PLCB4: variants seen among roughly 807,000 people sequenced by gnomAD.
PLCB4 encodes phospholipase C beta 4, also known as 1-phosphatidylinositol 4,5-bisphosphate phosphodiesterase beta-4.
Under a neutral mutation model 178.8 loss-of-function variants are expected in PLCB4, and 77 were observed. The observed-to-expected ratio is 0.43, with a 90% CI of 0.36 to 0.52. The LOEUF is 0.52. Among genes scored for constraint, PLCB4 ranks in the 20% least tolerant of loss-of-function variants. The pLI is 0.00. For synonymous variants in PLCB4, 496 were observed against 490.8 expected (o/e 1.01, Z -0.14); for missense variants, 1,024 against 1,453.4 (o/e 0.70, Z 4.80).
At chr20:9,404,155 G>T (rs2039256328) in intron 20 of PLCB4, among the ~76,000 whole-genome samples, 1 of 152,128 alleles carries the variant, frequency 6.6e-6, no homozygotes, top group Non-Finnish European at 1.5e-5. Flanking sequence ...GATTAGTTTT[G>T]CAGGAAAGAG....
chr20:9,333,433 G>T (rs1461460279), intron 4 of PLCB4, among the ~76,000 whole-genome samples: 1 of 152,152 alleles, frequency 6.6e-6, no homozygotes, highest in Admixed American at 6.5e-5. Flanking sequence ...AAGTGCAAAG[G>T]CCCTGATGCT....
chr20:9,218,756 T>A (rs993044104), intron 3 of PLCB4, among the ~76,000 whole-genome samples: 1 of 152,230 alleles, frequency 6.6e-6, no homozygotes, highest in African/African-American at 2.4e-5. Flanking sequence ...AAAGTAGATT[T>A]ATTATTGAAT....
chr20:9,457,349 C>G, intron 33 of PLCB4, 65 bp from the exon 34 acceptor site: 1 of 811,388 alleles, frequency 1.2e-6, no homozygotes, highest in Non-Finnish European at 2.2e-6. Context: ...AGCTTTGTAG[C>G]AAAGACCCAT....
intron 2 of PLCB4, among the ~76,000 whole-genome samples, chr20:9,140,439 A>T (rs375946612): frequency 1.3e-5 from 2 of 152,146 alleles, no homozygotes; most frequent in South Asian, 2.1e-4. Flanking sequence ...TTAGGTACTG[A>T]TAAGTGCTTG....
At chr20:9,233,967 A>G (rs542777415) in intron 3 of PLCB4, among the ~76,000 whole-genome samples, 1 of 152,312 alleles carries the variant, frequency 6.6e-6, no homozygotes, top group South Asian at 2.1e-4. Flanking sequence ...AACTGGAAGC[A>G]GAAAAGCCAG....
At chr20:9,344,309 TC>T (rs1446258359) in intron 7 of PLCB4, among the ~76,000 whole-genome samples, 3 of 152,150 alleles carry the variant, frequency 2.0e-5, no homozygotes, top group African/African-American at 7.2e-5. Context: ...TAGCAGGAGC[TC>T]CCCATTTCAC....
In PLCB4 at chr20:9,081,440, G is replaced by C. The variant is rs180761019; in HGVS notation, c.-135+12234G>C. On this transcript the variant is annotated intron_variant, in intron 1 of 39. Coordinates refer to ENST00000378473, the MANE Select transcript of PLCB4 (RefSeq NM_001377142.1). ...CCAAGAACATAAAGCCTGCTGCACT[G>C]TGGACACTGTGGCTTTGCACTATGA... 2.7e-4 allele frequency among the ~76,000 whole-genome samples: 41 copies of C among 152,322 alleles called. No homozygotes were observed. In the East Asian group the frequency reaches 7.5e-3, roughly 28 times the overall value.
chr20:9,213,056 G>A (rs1321281235), intron 2 of PLCB4, among the ~76,000 whole-genome samples: 13 of 147,718 alleles, frequency 8.8e-5, no homozygotes, highest in Admixed American at 1.4e-4. Flanking sequence ...GGATTTGCCT[G>A]TAGTGGACAT....
At chr20:9,446,021 T>G (rs2042392421) in intron 32 of PLCB4, among the ~76,000 whole-genome samples, 1 of 152,180 alleles carries the variant, frequency 6.6e-6, no homozygotes, top group Non-Finnish European at 1.5e-5. Context: ...GGCCAGAAAA[T>G]ATGCTGTGGC....
At chr20:9,285,330 T>C (rs1568523727) in intron 3 of PLCB4, among the ~76,000 whole-genome samples, 1 of 151,990 alleles carries the variant, frequency 6.6e-6, no homozygotes, top group Admixed American at 6.6e-5. Flanking sequence ...ATGTGACTAA[T>C]ACTGGGCTGT....
intron 3 of PLCB4, among the ~76,000 whole-genome samples, chr20:9,248,788 G>A (rs1022056271): frequency 1.6e-4 from 25 of 152,088 alleles, no homozygotes; most frequent in African/African-American, 5.6e-4. Flanking sequence ...CTCATCCCCT[G>A]CATTAATTTC....
At chr20:9,292,120 G>A (rs914331319) in intron 3 of PLCB4, among the ~76,000 whole-genome samples, 1 of 152,110 alleles carries the variant, frequency 6.6e-6, no homozygotes, top group Non-Finnish European at 1.5e-5. Flanking sequence ...AAAGCACTTT[G>A]CCCATTTTTG....
At chr20:9,275,402 G>T (rs904271860) in intron 3 of PLCB4, among the ~76,000 whole-genome samples, 7 of 152,030 alleles carry the variant, frequency 4.6e-5, no homozygotes, top group African/African-American at 1.7e-4. Context: ...GTTGAGATTT[G>T]GGTGGGGACA....
At chr20:9,133,825 A>G (rs542622444) in intron 2 of PLCB4, among the ~76,000 whole-genome samples, 1 of 152,300 alleles carries the variant, frequency 6.6e-6, no homozygotes, top group Admixed American at 6.5e-5. Flanking sequence ...GCCACTTCAC[A>G]GTGGTTCTTC....
At chr20:9,376,848 G>C (rs1174254775) in intron 12 of PLCB4, among the ~76,000 whole-genome samples, 3 of 152,074 alleles carry the variant, frequency 2.0e-5, no homozygotes, top group African/African-American at 7.2e-5. Flanking sequence ...TCAAGGAGTA[G>C]CTTTACTTTC....
At chr20:9,275,669 C>T (rs1457390321) in intron 3 of PLCB4, among the ~76,000 whole-genome samples, 4 of 152,008 alleles carry the variant, frequency 2.6e-5, no homozygotes, top group Non-Finnish European at 5.9e-5. Flanking sequence ...AGATTCAAAT[C>T]CCAACTAATT....
chr20:9,139,123 CT>C (rs1221619896), intron 2 of PLCB4, among the ~76,000 whole-genome samples: 1 of 152,146 alleles, frequency 6.6e-6, no homozygotes, highest in Non-Finnish European at 1.5e-5. Flanking sequence ...CTTATACTCC[CT>C]GTCATGCAGA....
chr20:9,349,841 T>C (rs568768137), intron 7 of PLCB4, among the ~76,000 whole-genome samples: 1 of 152,316 alleles, frequency 6.6e-6, no homozygotes, highest in East Asian at 1.9e-4. Flanking sequence ...ATAGCCCCAG[T>C]TTCCAGTGCC....
intron 34 of PLCB4, among the ~76,000 whole-genome samples, chr20:9,458,902 A>G (rs937706105): frequency 1.3e-5 from 2 of 152,246 alleles, no homozygotes; most frequent in African/African-American, 4.8e-5. Flanking sequence ...AGTGTCTATC[A>G]GGGTTGACAC....
Sources: allele counts gnomAD v4.1 joint callset (sites outside exome capture counted in the v4.1 genomes callset), GRCh38; gene constraint gnomAD v4.1.1; transcripts MANE v1.5; gene names NCBI Gene and HGNC (gene_info 2026-07-23, HGNC 2026-07-21).